GLIS3: variants seen among roughly 807,000 people sequenced by gnomAD.
GLIS3 encodes zinc finger protein GLIS3.
In GLIS3, 53 loss-of-function variants were observed where a neutral mutation model predicts 78.6. That is an observed-to-expected ratio of 0.67 (90% CI 0.54 to 0.85). The LOEUF (loss-of-function observed/expected upper bound fraction) is 0.85. Among genes scored for constraint, GLIS3 ranks in the 40% least tolerant of loss-of-function variants. The probability of loss-of-function intolerance (pLI) is 0.00; values close to 1 mark genes in which losing one functional copy is unlikely to be tolerated. For missense variants in GLIS3, 1,703 were observed against 1,231.1 expected, an observed-to-expected ratio of 1.38 and a Z score of -5.74; for synonymous variants, 684 against 509.9, an observed-to-expected ratio of 1.34 and a Z score of -4.60.
At chr9:4,339,421 G>A (rs966131926) in intron 2 of GLIS3, among the ~76,000 whole-genome samples, 2 of 152,016 alleles carry the variant, frequency 1.3e-5, no homozygotes, top group Non-Finnish European at 2.9e-5. Flanking sequence ...TGAGAGTTTC[G>A]TCTTTATTTT....
At chr9:4,474,253 A>G in the GLIS3 span, among the ~76,000 whole-genome samples, 1 of 152,238 alleles carries the variant, frequency 6.6e-6, no homozygotes, top group Non-Finnish European at 1.5e-5. Context: ...ATAGATCAGT[A>G]AAACAAAATA....
At chr9:4,252,762 C>T (rs945185006) in intron 2 of GLIS3, among the ~76,000 whole-genome samples, 27 of 152,144 alleles carry the variant, frequency 1.8e-4, no homozygotes, top group Non-Finnish European at 3.8e-4. Flanking sequence ...TGTCTTTGGT[C>T]TTTGATGTTG....
chr9:4,185,617 G>C (rs964708796), intron 2 of GLIS3, among the ~76,000 whole-genome samples: 1 of 152,128 alleles, frequency 6.6e-6, no homozygotes, highest in Admixed American at 6.6e-5. Context: ...CTTTAAGGAA[G>C]GTTTAATAAG....
chr9:4,225,905 CACA>C (rs1239051845), intron 2 of GLIS3, among the ~76,000 whole-genome samples: 1 of 152,130 alleles, frequency 6.6e-6, no homozygotes, highest in Non-Finnish European at 1.5e-5. Flanking sequence ...CAAAGCAACC[CACA>C]ACATTTTCTA....
the GLIS3 span, among the ~76,000 whole-genome samples, chr9:4,369,843 A>T: frequency 2.0e-4 from 30 of 152,178 alleles, no homozygotes; most frequent in African/African-American, 7.2e-4. Flanking sequence ...ATAAACAGTT[A>T]AAAAGGAAGC....
At chr9:4,006,887 T>G (rs184429464) in intron 4 of GLIS3, among the ~76,000 whole-genome samples, 194 of 152,350 alleles carry the variant, frequency 1.3e-3, no homozygotes, top group South Asian at 8.3e-4. Context: ...TCAGCAATGC[T>G]ACAAGGTGAC....
intron 2 of GLIS3, among the ~76,000 whole-genome samples, chr9:4,255,739 G>A (rs1171403832): frequency 2.6e-5 from 4 of 152,042 alleles, no homozygotes; most frequent in Admixed American, 1.3e-4. Context: ...AGGGCACAGA[G>A]GATTTTTAGG....
intron 2 of GLIS3, among the ~76,000 whole-genome samples, chr9:4,201,551 G>A (rs1017384306): frequency 6.6e-6 from 1 of 152,076 alleles, no homozygotes; most frequent in Non-Finnish European, 1.5e-5. Flanking sequence ...CATTCAAGCT[G>A]AGAGCCTAAT....
chr9:4,281,683 G>A (rs1316112502), intron 2 of GLIS3, among the ~76,000 whole-genome samples: 1 of 151,992 alleles, frequency 6.6e-6, no homozygotes, highest in African/African-American at 2.4e-5. Context: ...TCTTCCTTTT[G>A]GCTATCATAA....
chr9:4,277,792 G>A (rs553038212), intron 2 of GLIS3, among the ~76,000 whole-genome samples: 1 of 152,212 alleles, frequency 6.6e-6, no homozygotes, highest in South Asian at 2.1e-4. Flanking sequence ...CTTAAAGTGG[G>A]GATCATAAAG....
At chr9:3,923,710 T>G (rs533621669) in intron 6 of GLIS3, among the ~76,000 whole-genome samples, 1 of 152,318 alleles carries the variant, frequency 6.6e-6, no homozygotes, top group South Asian at 2.1e-4. Flanking sequence ...TATGAGTATC[T>G]TTTGGGACTT....
At chr9:3,888,076 T>C (rs1403100618) in intron 7 of GLIS3, among the ~76,000 whole-genome samples, 5 of 152,136 alleles carry the variant, frequency 3.3e-5, no homozygotes, top group African/African-American at 9.7e-5. Flanking sequence ...ATCTGTCATT[T>C]CCTCCTGGTC....
At chr9:3,858,687 T>C (rs1232005950) in intron 8 of GLIS3, among the ~76,000 whole-genome samples, 1 of 152,110 alleles carries the variant, frequency 6.6e-6, no homozygotes, top group Non-Finnish European at 1.5e-5. Context: ...ACATTTAAAG[T>C]AGGCTTTGAT....
chr9:4,231,111 A>AATTT (rs1194206848), intron 2 of GLIS3, among the ~76,000 whole-genome samples: 1 of 151,722 alleles, frequency 6.6e-6, no homozygotes, highest in Non-Finnish European at 1.5e-5. Context: ...TGTTCAGGAT[A>AATTT]ATGAGATGAA....
chr9:4,423,357 A>G, the GLIS3 span, among the ~76,000 whole-genome samples: 185 of 152,196 alleles, frequency 1.2e-3, 2 homozygotes, highest in Admixed American at 3.3e-3. Context: ...CTTAGCTCCC[A>G]AGGCCTCCTG....
intron 2 of GLIS3, among the ~76,000 whole-genome samples, chr9:4,276,681 T>G (rs1827063658): frequency 6.6e-6 from 1 of 152,188 alleles, no homozygotes; most frequent in East Asian, 1.9e-4. Context: ...TTTAAAGATG[T>G]AATGTTATAA....
At chr9:4,150,237 T>C (rs10116728) in intron 2 of GLIS3, among the ~76,000 whole-genome samples, 38,323 of 152,156 alleles carry the variant, frequency 0.25, 6,523 homozygotes, top group African/African-American at 0.48. Context: ...TTTCTAAAAT[T>C]CTGCCTCAGT....
At chr9:4,413,922 T>C in the GLIS3 span, among the ~76,000 whole-genome samples, 2 of 152,188 alleles carry the variant, frequency 1.3e-5, no homozygotes, top group South Asian at 2.1e-4. Context: ...CACCAGCTTA[T>C]GGAATTTAAC....
intron 3 of GLIS3, among the ~76,000 whole-genome samples, chr9:4,309,400 A>C (rs1459076932): frequency 6.6e-6 from 1 of 152,212 alleles, no homozygotes. Flanking sequence ...GGTCTTAAGC[A>C]GTGGTTGGGG....
Sources: gnomAD v4.1 joint callset for allele counts (sites outside exome capture counted in the v4.1 genomes callset) on GRCh38, gnomAD v4.1.1 for gene constraint, MANE v1.5 for transcripts, NCBI Gene and HGNC (gene_info 2026-07-23, HGNC 2026-07-21) for gene names.